The following ERF variants were observed in gnomAD, a reference collection of about 807,000 sequenced individuals.
ERF encodes the protein ETS2 repressor factor, also known as ETS domain-containing transcription factor ERF.
In ERF, 10 loss-of-function variants were observed where a neutral mutation model predicts 41.6. The ratio of observed to expected loss-of-function variants is 0.24; its 90% CI spans 0.15 to 0.41. ERF has a LOEUF of 0.41. ERF is among the 10% of genes least tolerant of loss of function. The probability of loss-of-function intolerance (pLI) is 1.00; values close to 1 mark genes in which losing one functional copy is unlikely to be tolerated. For synonymous variants in ERF, 395 were observed against 342.4 expected (o/e 1.15, Z -1.70); for missense variants, 621 against 763.2 (o/e 0.81, Z 2.19).
chr19:42,254,671 G>A (rs533853386), intron 1 of ERF: 121 of 275,900 alleles, frequency 4.4e-4, no homozygotes, highest in African/African-American at 2.9e-4. Context: ...TGACAAGAGC[G>A]GAGGGGAAGG....
In ERF at chr19:42,254,914, A is replaced by G. The variant is rs1007515662; in HGVS notation, c.22+64T>C. The stretch of plus-strand genomic sequence containing the variant: ...CCCCCGGACCCCTTCAGCCCCCCCA[A>G]AGTTTCTCCGTTCGGTTTCCCGGGG... On this transcript the variant is annotated intron_variant, in intron 1 of 3. Coordinates refer to ENST00000222329, the MANE Select transcript of ERF (RefSeq NM_006494.4). 2.7e-5 allele frequency: 40 copies of G among 1,496,420 alleles called. No homozygotes were observed. In the African/African-American group the frequency reaches 4.9e-4, roughly 18 times the overall value. 92.7% of individuals were successfully genotyped at this position (1,496,420 alleles called of 1,614,324 possible).
rs1009647176 is a variant in ERF, at chr19:42,250,868, G to C, written c.23-303C>G. On this transcript the variant is annotated intron_variant, in intron 1 of 3. Transcript: ENST00000222329. The surrounding 1 kb of genome is among the most constrained non-coding windows in gnomAD (Gnocchi z 5.1). ...GGGCCAGGCACCAAGCCAGGCTGGC[G>C]GGCAGGGCTGCCAGTGGGGGAGGGG... is the stretch of plus-strand genomic sequence containing the variant. 1.3e-5 allele frequency among the ~76,000 whole-genome samples: 2 copies of C among 152,100 alleles called. No homozygotes were observed. The highest frequency in any genetic ancestry group is 2.9e-5 in the Non-Finnish European group (2 of 68,010).
Position 42,248,372 on chromosome 19 carries a change from A to T in ERF, c.*93T>A. ...AAAGGGAGGAGGCAGGGAAGAGACA[A>T]GAGAGCTGCCCTCACCTCCAGGGCA... On this transcript the variant is annotated 3_prime_UTR_variant, in exon 4 of 4. Transcript: ENST00000222329. The surrounding 1 kb of genome is among the most constrained non-coding windows in gnomAD (Gnocchi z 4.2). 8.7e-7 allele frequency: 1 copy of T among 1,143,880 alleles called. No homozygotes were observed. The highest frequency in any genetic ancestry group is 1.1e-6 in the Non-Finnish European group (1 of 871,106). 70.9% of individuals were successfully genotyped at this position (1,143,880 alleles called of 1,614,324 possible). A position where few individuals can be genotyped will look rare whatever the true frequency, so the allele number is the denominator to read the frequency against.
chr19:42,249,744 AGAAG>A lies in ERF; in HGVS notation c.374-10_374-7del. 6.2e-7 allele frequency: 1 copy of A among 1,607,890 alleles called. No individual in the cohort carries two copies. The highest frequency in any genetic ancestry group is 8.5e-7 in the Non-Finnish European group (1 of 1,175,696). ...ACTCTGGGGCACTGCACCCCCTGGC[AGAAG>A]GGAGACAGTGTCAAGGCCCCTGGCC... On this transcript the variant is annotated splice_region_variant and splice_polypyrimidine_tract_variant and intron_variant, in intron 3 of 3. Transcript: ENST00000222329. This position sits in a 1 kb window ranked among gnomAD's most constrained non-coding sequence, Gnocchi z 8.6.
intron 1 of ERF, chr19:42,251,126 T>C (rs2036438649): frequency 6.6e-6 from 5 of 756,990 alleles, no homozygotes; most frequent in South Asian, 5.9e-5. Context: ...CGGTTGCCGA[T>C]GAGGTCAGCG....
chr19:42,253,350 G>T (rs939856215), intron 1 of ERF, among the ~76,000 whole-genome samples: 2 of 152,152 alleles, frequency 1.3e-5, no homozygotes, highest in Non-Finnish European at 2.9e-5. Context: ...GGTGCGGAGC[G>T]GCAGGCCAGG....
rs970979658 is a variant in ERF, at chr19:42,249,500, G to C, written c.612C>G (p.Pro204=). 1 of 1,611,950 alleles carries C rather than the reference G, an allele frequency of 6.2e-7. No individual in the cohort carries two copies. Among genetic ancestry groups the C allele is most frequent in the African/African-American group, 1.3e-5 (1 of 74,880 alleles). The change falls in exon 4 of 4, where the codon CCC becomes CCG. Residue 204 remains proline, a synonymous_variant. Transcript: ENST00000222329. This position sits in a 1 kb window ranked among gnomAD's most constrained non-coding sequence, Gnocchi z 8.6. The part of the protein sequence containing the change: ...SELEEPLGED[P]RARPPGPPDL... ...CCGGAGGGCCGGGTGGTCGGGCGCG[G>C]GGATCCTCTCCCAGCGGTTCCTCCA...
chr19:42,253,100 T>TG, intron 1 of ERF, among the ~76,000 whole-genome samples: 1 of 152,032 alleles, frequency 6.6e-6, no homozygotes, highest in East Asian at 1.9e-4. Context: ...TATGCAAGCC[T>TG]GGGGGGACAA....
chr19:42,254,134 T>G (rs1329506556), intron 1 of ERF, among the ~76,000 whole-genome samples: 1 of 151,500 alleles, frequency 6.6e-6, no homozygotes, highest in Non-Finnish European at 1.5e-5. Flanking sequence ...GAGGGGAACC[T>G]TGGCCCCTTA....
In ERF at chr19:42,248,920, C is replaced by T. The variant is rs111793182; in HGVS notation, c.1192G>A (p.Gly398Ser). ...GCACTGCCACCGCTCTTGTCAGCAC[C>T]GGCTACGGCCTTCTCCCCAGCTGCC... ...QRAAGEKAVA[G>S]ADKSGGSAGG... The change falls in exon 4 of 4, where the codon GGT becomes AGT. Residue 398 changes from glycine to serine, a missense_variant. Physicochemically the swap from Gly to Ser is moderately conservative, Grantham distance 56. Coordinates refer to ENST00000222329, the MANE Select transcript of ERF (RefSeq NM_006494.4). This position sits in a 1 kb window ranked among gnomAD's most constrained non-coding sequence, Gnocchi z 4.2. The T allele has an allele frequency of 7.4e-4, 1,183 of 1,606,940 alleles. 13 individuals carry two copies. In the Admixed American group the frequency reaches 0.018, roughly 24 times the overall value.
At chr19:42,253,845 C>A in intron 1 of ERF, 1 of 1,063,032 alleles carries the variant, frequency 9.4e-7, no homozygotes, top group South Asian at 2.6e-5. Context: ...CACACACCCG[C>A]ACACAGGAGC....
At position 42,250,142 on chromosome 19, in the gene ERF, G is replaced by A. The variant is rs917969973; in HGVS notation, c.257+189C>T. The A allele has an allele frequency of 2.6e-6, 2 of 760,992 alleles. No homozygotes were observed. The highest frequency in any genetic ancestry group is 4.3e-6 in the Non-Finnish European group (2 of 466,522). The allele number at this position is 760,992 out of a possible 1,614,324, so 47.1% of individuals were successfully genotyped here. ...AGGACTAGAGGATCCACTGGTGACT[G>A]TAATCTCTCCTCAGGATACGTCTGT... On this transcript the variant is annotated intron_variant, in intron 2 of 3. Transcript: ENST00000222329. The surrounding 1 kb of genome is among the most constrained non-coding windows in gnomAD (Gnocchi z 5.1).
chr19:42,253,461 G>A (rs966043009), intron 1 of ERF, among the ~76,000 whole-genome samples: 10 of 152,120 alleles, frequency 6.6e-5, no homozygotes, highest in Non-Finnish European at 1.5e-4. Context: ...CCCCCGACAG[G>A]GTTGGGGAAG....
In ERF at chr19:42,250,656, C is replaced by T; in HGVS notation, c.23-91G>A. 1.6e-6 allele frequency: 2 copies of T among 1,245,310 alleles called. No homozygotes were observed. The highest frequency in any genetic ancestry group is 2.2e-6 in the Non-Finnish European group (2 of 891,210). The allele number at this position is 1,245,310 out of a possible 1,614,324, so 77.1% of individuals were successfully genotyped here. ...CCAGGGTCCACCTCTGCCCTGCCTT[C>T]AACATGGGGAAATCTGTCTCACCTC... On this transcript the variant is annotated intron_variant, in intron 1 of 3. Coordinates refer to ENST00000222329, the MANE Select transcript of ERF (RefSeq NM_006494.4). The surrounding 1 kb of genome is among the most constrained non-coding windows in gnomAD (Gnocchi z 5.1).
Position 42,249,491 on chromosome 19 carries a change from T to C in ERF, c.621A>G (p.Arg207=). ...EEPLGEDPRA[R]PPGPPDLGAF... ...CACCCAGATCCGGAGGGCCGGGTGG[T>C]CGGGCGCGGGGATCCTCTCCCAGCG... The change falls in exon 4 of 4, where the codon CGA becomes CGG. Residue 207 remains arginine (R), a synonymous_variant. Coordinates refer to ENST00000222329, the MANE Select transcript of ERF (RefSeq NM_006494.4). The surrounding 1 kb of genome is among the most constrained non-coding windows in gnomAD (Gnocchi z 8.6). 3 of 1,609,818 alleles carry C rather than the reference T, an allele frequency of 1.9e-6. No homozygotes were observed. The highest frequency in any genetic ancestry group is 2.5e-6 in the Non-Finnish European group (3 of 1,178,736).
chr19:42,254,212 G>A (rs2036496365), intron 1 of ERF, among the ~76,000 whole-genome samples: 1 of 151,552 alleles, frequency 6.6e-6, no homozygotes, highest in Non-Finnish European at 1.5e-5. Context: ...GAGAAGAGGT[G>A]GATCCGGGAG....
In ERF at chr19:42,250,616, G is replaced by A; in HGVS notation, c.23-51C>T. The A allele has an allele frequency of 6.4e-7, 1 of 1,571,412 alleles. No individual in the cohort carries two copies. Among genetic ancestry groups the A allele is most frequent in the African/African-American group, 1.4e-5 (1 of 74,052 alleles). On this transcript the variant is annotated intron_variant, in intron 1 of 3. Coordinates refer to ENST00000222329, the MANE Select transcript of ERF (RefSeq NM_006494.4). The surrounding 1 kb of genome is among the most constrained non-coding windows in gnomAD (Gnocchi z 5.1). ...CTGGGGTCAGGCTGCCAAGTCCAGG[G>A]CTCTGGGTCCCATCCCAGGGTCCAC...
At chr19:42,253,888 G>C (rs1430780729) in intron 1 of ERF, 1 of 1,080,638 alleles carries the variant, frequency 9.3e-7, no homozygotes, top group Non-Finnish European at 1.1e-6. Flanking sequence ...GCCGCCGCCG[G>C]GGGAAGGAAA....
chr19:42,249,477 G>A lies in ERF; in HGVS notation c.635C>T (p.Pro212Leu), dbSNP rs777136618. 1.9e-5 allele frequency: 31 copies of A among 1,606,758 alleles called. No homozygotes were observed. The highest frequency in any genetic ancestry group is 8.9e-5 in the South Asian group (8 of 90,316). Residue 212 changes from proline (P) to leucine (L), a missense_variant, in exon 4 of 4, where the codon CCG (proline) becomes CTG (leucine). Coordinates refer to ENST00000222329, the MANE Select transcript of ERF (RefSeq NM_006494.4). This position sits in a 1 kb window ranked among gnomAD's most constrained non-coding sequence, Gnocchi z 8.6. ...GGGCCCTCGGAAGGCACCCAGATCC[G>A]GAGGGCCGGGTGGTCGGGCGCGGGG... ...EDPRARPPGP[P>L]DLGAFRGPPL...
Sources: gnomAD v4.1 joint callset for allele counts (sites outside exome capture counted in the v4.1 genomes callset) on GRCh38, gnomAD v4.1.1 for gene constraint, Gnocchi (gnomAD v3.1) non-coding constraint, MANE v1.5 for transcripts, NCBI Gene and HGNC (gene_info 2026-07-23, HGNC 2026-07-21) for gene names.